Variants in GYPE observed in about 807,000 individuals in gnomAD.
GYPE encodes the protein glycophorin-E.
In GYPE, 8 loss-of-function variants were observed where a neutral mutation model predicts 11.6. The observed-to-expected ratio is 0.69, with a 90% CI of 0.41 to 1.25. GYPE has a LOEUF of 1.25. Ranked by LOEUF, GYPE falls within the 50% of genes most tolerant of loss-of-function variation. GYPE has a pLI of 0.01. For synonymous variants in GYPE, 28 were observed against 29.6 expected (o/e 0.94, Z 0.18); for missense variants, 90 against 92.8 (o/e 0.97, Z 0.12).
chr4:143,875,289 C>A (rs1385324998), intron 3 of GYPE: 3 of 613,728 alleles, frequency 4.9e-6, no homozygotes, highest in Non-Finnish European at 8.6e-6. Context: ...CTTGAAATAA[C>A]AAATCATGAC....
chr4:143,893,917 T>G (rs1233413607), intron 1 of GYPE, among the ~76,000 whole-genome samples: 4 of 152,176 alleles, frequency 2.6e-5, no homozygotes, highest in East Asian at 3.9e-4. Context: ...TTCCAACTTG[T>G]TTCCATTCTC....
At chr4:143,875,309 T>G (rs1024335144) in intron 3 of GYPE, 1 of 683,812 alleles carries the variant, frequency 1.5e-6, no homozygotes, top group African/African-American at 1.8e-5. Context: ...CTATACTACA[T>G]GCAAATAATT....
chr4:143,872,031 G>A lies in GYPE; in HGVS notation c.*231C>T, dbSNP rs953007186. 3.3e-5 allele frequency: 5 copies of A among 152,292 alleles called. No individual in the cohort carries two copies. The highest frequency in any genetic ancestry group is 1.2e-4 in the African/African-American group (5 of 41,420). The allele number at this position is 152,292 out of a possible 1,614,324, so 9.4% of individuals were successfully genotyped here. A position where few individuals can be genotyped will look rare whatever the true frequency, so the allele number is the denominator to read the frequency against. On this transcript the variant is annotated 3_prime_UTR_variant, in exon 4 of 4. Coordinates refer to ENST00000358615, the MANE Select transcript of GYPE (RefSeq NM_198682.3). The stretch of plus-strand genomic sequence containing the variant: ...GTGATGAGAATCGGGCAGAACTGGA[G>A]TTTAATCCTCATGTCATGGTAAGGC...
chr4:143,903,814 A>C (rs1321096984), intron 1 of GYPE, among the ~76,000 whole-genome samples: 1 of 152,014 alleles, frequency 6.6e-6, no homozygotes, highest in Non-Finnish European at 1.5e-5. Flanking sequence ...TTAAAAAAAA[A>C]AATCATTTCT....
intron 1 of GYPE, among the ~76,000 whole-genome samples, chr4:143,893,316 A>G (rs1292824061): frequency 5.9e-5 from 8 of 136,456 alleles, no homozygotes; most frequent in Non-Finnish European, 1.1e-4. Context: ...TTACATTTAA[A>G]GTTAATATTG....
chr4:143,872,798 TAAGA>T (rs1214610217), intron 3 of GYPE, among the ~76,000 whole-genome samples: 10 of 152,178 alleles, frequency 6.6e-5, no homozygotes, highest in Non-Finnish European at 4.4e-5. Context: ...ACAAAGTTCC[TAAGA>T]AAGAGCAAGC....
Position 143,905,465 on chromosome 4 carries a change from A to G in GYPE, c.37+6T>C, listed in dbSNP as rs747336899. On this transcript the variant is annotated splice_donor_region_variant and intron_variant, in intron 1 of 3. Coordinates refer to ENST00000358615, the MANE Select transcript of GYPE (RefSeq NM_198682.3). ...AACAGAACCAAGATGAAATAAAATC[A>G]CTTACCTGACAATAGTAATACAAAG... 52 of 1,613,076 alleles carry G rather than the reference A, an allele frequency of 3.2e-5. No individual in the cohort carries two copies. Among genetic ancestry groups the G allele is most frequent in the Non-Finnish European group, 4.0e-5 (47 of 1,179,194 alleles).
At chr4:143,890,649 C>A (rs1192508998) in intron 1 of GYPE, among the ~76,000 whole-genome samples, 11 of 152,194 alleles carry the variant, frequency 7.2e-5, no homozygotes, top group African/African-American at 9.7e-5. Flanking sequence ...ATGTAAACTT[C>A]ATCTTCCTGA....
rs199750088 is a variant in GYPE, at chr4:143,903,152, TC to T, written c.37+2318del. Among the ~76,000 whole-genome samples, 789 of 152,174 alleles carry T rather than the reference TC, an allele frequency of 5.2e-3. 7 individuals are homozygous for T. The highest frequency in any genetic ancestry group is 0.018 in the African/African-American group (745 of 41,440). ...CCTTTTCTTAAGCAGTTTTCGGCAT[TC>T]ATGTTTATCATCTTACCTGGTTTTA... On this transcript the variant is annotated intron_variant, in intron 1 of 3. Coordinates refer to ENST00000358615, the MANE Select transcript of GYPE (RefSeq NM_198682.3).
intron 3 of GYPE, 98 bp downstream of exon 3, chr4:143,876,648 T>C (rs1743821696): frequency 1.2e-5 from 8 of 688,628 alleles, no homozygotes; most frequent in Non-Finnish European, 1.9e-5. Flanking sequence ...TTTATGCAGT[T>C]CTGTTTCTCT....
chr4:143,891,957 G>A (rs1350448313), intron 1 of GYPE, among the ~76,000 whole-genome samples: 15 of 152,126 alleles, frequency 9.9e-5, no homozygotes, highest in Non-Finnish European at 1.8e-4. Context: ...TTTTTGGTTG[G>A]TAAGCTATTG....
intron 1 of GYPE, among the ~76,000 whole-genome samples, chr4:143,893,439 C>T (rs1187929511): frequency 2.0e-5 from 3 of 150,704 alleles, no homozygotes; most frequent in Non-Finnish European, 4.4e-5. Context: ...GATTTTGCAG[C>T]GGCTGTTACC....
chr4:143,873,974 T>C (rs4101240), intron 3 of GYPE, among the ~76,000 whole-genome samples: 23 of 152,012 alleles, frequency 1.5e-4, no homozygotes, highest in African/African-American at 4.4e-4. Context: ...ATGTTAGACA[T>C]GCAACATAGT....
At chr4:143,877,600 T>C (rs1743864419) in intron 2 of GYPE, among the ~76,000 whole-genome samples, 1 of 152,206 alleles carries the variant, frequency 6.6e-6, no homozygotes, top group Non-Finnish European at 1.5e-5. Flanking sequence ...AAAGGTAAAA[T>C]GGCTCATTTA....
intron 1 of GYPE, among the ~76,000 whole-genome samples, chr4:143,882,993 T>G (rs1332079272): frequency 1.2e-4 from 19 of 152,172 alleles, no homozygotes; most frequent in Admixed American, 1.2e-3. Context: ...GTGGTATGGT[T>G]TGGATCTGTG....
At chr4:143,880,020 TA>T (rs1560939301) in intron 2 of GYPE, among the ~76,000 whole-genome samples, 2 of 152,174 alleles carry the variant, frequency 1.3e-5, no homozygotes, top group Non-Finnish European at 2.9e-5. Context: ...ATTAATGGGA[TA>T]GAAACCCTGC....
intron 1 of GYPE, among the ~76,000 whole-genome samples, chr4:143,881,931 C>T (rs1161857468): frequency 1.3e-5 from 2 of 151,984 alleles, no homozygotes; most frequent in African/African-American, 2.4e-5. Context: ...AGCACACAAA[C>T]AACAGAAAAC....
intron 1 of GYPE, among the ~76,000 whole-genome samples, chr4:143,890,022 G>T (rs1744343839): frequency 6.6e-6 from 1 of 152,180 alleles, no homozygotes; most frequent in Admixed American, 6.5e-5. Context: ...GTCATTGAGA[G>T]ATTAAATTCT....
chr4:143,891,871 C>T (rs1744419506), intron 1 of GYPE, among the ~76,000 whole-genome samples: 3 of 152,080 alleles, frequency 2.0e-5, no homozygotes, highest in Non-Finnish European at 2.9e-5. Flanking sequence ...AGTGGGTTGT[C>T]ACTGGCACTA....
Sources: gnomAD v4.1 joint callset for allele counts (sites outside exome capture counted in the v4.1 genomes callset) on GRCh38, gnomAD v4.1.1 for gene constraint, MANE v1.5 for transcripts, NCBI Gene and HGNC (gene_info 2026-07-23, HGNC 2026-07-21) for gene names.